Variants in SLC44A5 observed in about 807,000 individuals in gnomAD.
The protein encoded by SLC44A5 is choline transporter-like protein 5.
Under a neutral mutation model 101.8 loss-of-function variants are expected in SLC44A5, and 57 were observed. The observed-to-expected ratio is 0.56, with a 90% CI of 0.45 to 0.70. The LOEUF (loss-of-function observed/expected upper bound fraction) is 0.70, where lower values mean the gene tolerates loss of function less well. Ranked by LOEUF, SLC44A5 falls within the 30% of genes least tolerant of loss-of-function variation. The pLI, the probability that SLC44A5 is intolerant of heterozygous loss-of-function variation, is 0.00. For missense variants in SLC44A5, 737 were observed against 853.1 expected, an observed-to-expected ratio of 0.86 and a Z score of 1.70; for synonymous variants, 281 against 290.9, an observed-to-expected ratio of 0.97 and a Z score of 0.35.
intron 12 of SLC44A5, 78 bp from the exon 13 acceptor site, chr1:75,227,935 T>G: frequency 8.4e-7 from 1 of 1,196,046 alleles, no homozygotes; most frequent in Non-Finnish European, 1.2e-6. Context: ...ATCATACATA[T>G]CTATATGAAA....
intron 2 of SLC44A5, among the ~76,000 whole-genome samples, chr1:75,420,493 G>A (rs899485416): frequency 3.9e-5 from 6 of 152,118 alleles, no homozygotes; most frequent in Non-Finnish European, 8.8e-5. Flanking sequence ...AAAGTAAATT[G>A]TCTAAATACT....
chr1:75,703,563 G>A, the SLC44A5 span, among the ~76,000 whole-genome samples: 137,757 of 151,886 alleles, frequency 0.91, 62,675 homozygotes, highest in Middle Eastern at 0.94. Context: ...CTAATGTTAA[G>A]TGATGAGTTA....
chr1:75,423,679 A>G lies in SLC44A5; in HGVS notation c.14-27058T>C, dbSNP rs543061598. Among the ~76,000 whole-genome samples the G allele has an allele frequency of 8.3e-4, 126 of 152,344 alleles. 1 individual carries two copies. Among genetic ancestry groups the G allele is most frequent in the African/African-American group, 2.9e-3 (122 of 41,580 alleles). ...TCTTTTGGAAATTGCGAGCAGCTCC[A>G]TACTCCCTGCTCCCAGGACGCACTT... is the stretch of plus-strand genomic sequence containing the variant. On this transcript the variant is annotated intron_variant, in intron 2 of 23. Coordinates refer to ENST00000370859, the MANE Select transcript of SLC44A5 (RefSeq NM_001130058.2).
chr1:75,442,112 T>C (rs1279578276), intron 2 of SLC44A5, among the ~76,000 whole-genome samples: 1 of 152,174 alleles, frequency 6.6e-6, no homozygotes, highest in Non-Finnish European at 1.5e-5. Flanking sequence ...TGCCAAGAGA[T>C]AGCTTTGTAA....
At chr1:75,466,436 C>T (rs1355726361) in intron 2 of SLC44A5, among the ~76,000 whole-genome samples, 1 of 151,976 alleles carries the variant, frequency 6.6e-6, no homozygotes, top group Non-Finnish European at 1.5e-5. Flanking sequence ...GTGGGCGGAT[C>T]ACGAGGTCAG....
intron 1 of SLC44A5, among the ~76,000 whole-genome samples, chr1:75,576,591 T>A (rs528571812): frequency 6.6e-6 from 1 of 152,308 alleles, no homozygotes; most frequent in African/African-American, 2.4e-5. Context: ...CTGCTGGGAT[T>A]ACAGGCGTTG....
At chr1:75,680,194 A>T in the SLC44A5 span, among the ~76,000 whole-genome samples, 1 of 152,044 alleles carries the variant, frequency 6.6e-6, no homozygotes, top group Non-Finnish European at 1.5e-5. Context: ...TCAACATTAG[A>T]CAGATCAACG....
At chr1:75,679,140 T>C in the SLC44A5 span, among the ~76,000 whole-genome samples, 14 of 152,234 alleles carry the variant, frequency 9.2e-5, no homozygotes, top group East Asian at 2.5e-3. Context: ...ATCTGATTGG[T>C]GTACCTGAAA....
chr1:75,479,653 G>C (rs960479800), intron 2 of SLC44A5, among the ~76,000 whole-genome samples: 1 of 152,212 alleles, frequency 6.6e-6, no homozygotes, highest in African/African-American at 2.4e-5. Flanking sequence ...AAATCTAGAA[G>C]AAATGGATAA....
intron 2 of SLC44A5, among the ~76,000 whole-genome samples, chr1:75,529,901 G>A (rs149141112): frequency 6.6e-6 from 1 of 152,130 alleles, no homozygotes; most frequent in Non-Finnish European, 1.5e-5. Flanking sequence ...ACCAGTGGAG[G>A]GTACAGTAAA....
chr1:75,502,793 C>T (rs1669038611), intron 2 of SLC44A5, among the ~76,000 whole-genome samples: 2 of 147,988 alleles, frequency 1.4e-5, no homozygotes, highest in African/African-American at 5.0e-5. Context: ...ATTAATATTA[C>T]AAAAATGGCT....
chr1:75,652,606 G>A, the SLC44A5 span, among the ~76,000 whole-genome samples: 1 of 152,090 alleles, frequency 6.6e-6, no homozygotes, highest in East Asian at 1.9e-4. Flanking sequence ...ATCAGCCTGG[G>A]CAGCATAGCA....
intron 2 of SLC44A5, among the ~76,000 whole-genome samples, chr1:75,424,894 C>G (rs1430554572): frequency 6.6e-6 from 1 of 151,938 alleles, no homozygotes; most frequent in Non-Finnish European, 1.5e-5. Flanking sequence ...CATCAAATAA[C>G]AAAAACATAT....
chr1:75,543,628 C>T (rs1557891682), intron 1 of SLC44A5, among the ~76,000 whole-genome samples: 3 of 144,242 alleles, frequency 2.1e-5, no homozygotes, highest in South Asian at 2.2e-4. Flanking sequence ...CATATATATA[C>T]GTATATATAC....
the SLC44A5 span, among the ~76,000 whole-genome samples, chr1:75,693,395 T>C: frequency 6.6e-6 from 1 of 152,154 alleles, no homozygotes. Flanking sequence ...GGTTAGGATT[T>C]GGGGGAACAA....
intron 2 of SLC44A5, among the ~76,000 whole-genome samples, chr1:75,470,771 G>A (rs1667063547): frequency 6.6e-6 from 1 of 152,056 alleles, no homozygotes; most frequent in Non-Finnish European, 1.5e-5. Flanking sequence ...ATGGTGGGAG[G>A]GTTGGGAGGG....
intron 14 of SLC44A5, among the ~76,000 whole-genome samples, chr1:75,220,991 C>T (rs558056693): frequency 6.6e-6 from 1 of 152,106 alleles, no homozygotes; most frequent in Admixed American, 6.5e-5. Context: ...TTAACACAAA[C>T]ACATATGCTC....
At chr1:75,714,644 C>G in the SLC44A5 span, among the ~76,000 whole-genome samples, 4 of 152,158 alleles carry the variant, frequency 2.6e-5, no homozygotes, top group East Asian at 7.7e-4. Flanking sequence ...TCTGATAAAC[C>G]ACTTCAGCAA....
At chr1:75,649,188 C>T in the SLC44A5 span, among the ~76,000 whole-genome samples, 1 of 152,104 alleles carries the variant, frequency 6.6e-6, no homozygotes, top group African/African-American at 2.4e-5. Flanking sequence ...TTTCATTCTC[C>T]GTTAGTATTT....
Sources: allele counts gnomAD v4.1 joint callset (sites outside exome capture counted in the v4.1 genomes callset), GRCh38; gene constraint gnomAD v4.1.1; transcripts MANE v1.5; gene names NCBI Gene and HGNC (gene_info 2026-07-23, HGNC 2026-07-21).